Variants in DNMT3A observed in about 807,000 individuals in gnomAD.
DNMT3A encodes the protein DNA methyltransferase 3 alpha.
In DNMT3A, 267 loss-of-function variants were observed where a neutral mutation model predicts 117.6. The ratio of observed to expected loss-of-function variants is 2.27; its 90% CI spans 2.05 to 2.51. The LOEUF (loss-of-function observed/expected upper bound fraction) is 2.51. DNMT3A is among the 30% of genes most tolerant of loss of function. DNMT3A has a pLI of 0.00. For synonymous variants in DNMT3A, 432 were observed against 474.8 expected (o/e 0.91, Z 1.17); for missense variants, 1,029 against 1,260.2 (o/e 0.82, Z 2.78).
rs1260965585 is a variant in DNMT3A at position 25,329,697 on chromosome 2, A to C, written c.-178+12129T>G. Among the ~76,000 whole-genome samples, 302 of 150,302 alleles carry C rather than the reference A, an allele frequency of 2.0e-3. 7 individuals are homozygous for C. Among genetic ancestry groups the C allele is most frequent in the African/African-American group, 7.0e-3 (281 of 39,904 alleles). ...CCCACACACACACACACACACACAC[A>C]CACACACACACACACAGACACACAG... On this transcript the variant is annotated intron_variant, in intron 1 of 22. Coordinates refer to ENST00000321117, the MANE Select transcript of DNMT3A (RefSeq NM_022552.5).
At chr2:25,317,215 C>A (rs2034418608) in intron 1 of DNMT3A, among the ~76,000 whole-genome samples, 1 of 144,416 alleles carries the variant, frequency 6.9e-6, no homozygotes, top group African/African-American at 2.5e-5. Context: ...CCATGTACCA[C>A]CACACCTGGC....
intron 6 of DNMT3A, among the ~76,000 whole-genome samples, chr2:25,263,557 T>G (rs1030658585): frequency 2.6e-5 from 4 of 152,068 alleles, no homozygotes; most frequent in Non-Finnish European, 4.4e-5. Context: ...CTTTAACGAG[T>G]GTACTGGCCT....
chr2:25,250,434 TGGATGGCGGAATGAGCTCAC>T (rs1237954124), intron 6 of DNMT3A, among the ~76,000 whole-genome samples: 3 of 152,166 alleles, frequency 2.0e-5, no homozygotes, highest in African/African-American at 7.2e-5. Context: ...AATGAGCTCA[TGGATGGCGGAATGAGCTCAC>T]GGATCGGACT....
intron 6 of DNMT3A, among the ~76,000 whole-genome samples, chr2:25,261,919 G>T (rs1017249476): frequency 6.6e-6 from 1 of 152,070 alleles, no homozygotes; most frequent in Non-Finnish European, 1.5e-5. Context: ...GGGCGCAGTG[G>T]CTCACACCTG....
At chr2:25,266,651 T>A (rs1377005790) in intron 6 of DNMT3A, among the ~76,000 whole-genome samples, 3 of 152,186 alleles carry the variant, frequency 2.0e-5, no homozygotes, top group African/African-American at 7.2e-5. Context: ...GGAGGCAACA[T>A]TTGCTAAGCT....
intron 12 of DNMT3A, among the ~76,000 whole-genome samples, chr2:25,245,560 G>A (rs1674657009): frequency 6.6e-6 from 1 of 152,232 alleles, no homozygotes; most frequent in Non-Finnish European, 1.5e-5. Flanking sequence ...AGTGACAGCA[G>A]GACAGAAACC....
chr2:25,295,085 AG>A (rs940493016), intron 3 of DNMT3A, among the ~76,000 whole-genome samples: 1 of 152,198 alleles, frequency 6.6e-6, no homozygotes, highest in Non-Finnish European at 1.5e-5. Flanking sequence ...CTCTCCCTTC[AG>A]GGCTCCAACC....
In DNMT3A at chr2:25,254,757, C is replaced by G. The variant is rs953094591; in HGVS notation, c.640-6505G>C. 6.6e-6 allele frequency among the ~76,000 whole-genome samples: 1 copy of G among 152,122 alleles called. No homozygotes were observed. Among genetic ancestry groups the G allele is most frequent in the Non-Finnish European group, 1.5e-5 (1 of 68,022 alleles). ...GAAGTTTCTGGTTCTGGCTTGGTGG[C>G]CTTTTGCAGACACTGTCTCATGTAC... is the stretch of plus-strand genomic sequence containing the variant. On this transcript the variant is annotated intron_variant, in intron 6 of 22. Transcript: ENST00000321117. The surrounding 1 kb of genome is among the most constrained non-coding windows in gnomAD (Gnocchi z 4.7).
At chr2:25,300,720 T>TAC (rs2033433124) in intron 2 of DNMT3A, among the ~76,000 whole-genome samples, 1 of 8,880 alleles carries the variant, frequency 1.1e-4, no homozygotes, top group African/African-American at 5.1e-4. Context: ...ATAATATATA[T>TAC]ATATATATAT....
chr2:25,319,615 G>A (rs778370504), intron 1 of DNMT3A, among the ~76,000 whole-genome samples: 4 of 152,364 alleles, frequency 2.6e-5, no homozygotes, highest in East Asian at 1.9e-4. Context: ...ATGAGCCAGA[G>A]AGGGCCAGCC....
chr2:25,278,538 C>G (rs1478160070), intron 4 of DNMT3A, among the ~76,000 whole-genome samples: 1 of 152,230 alleles, frequency 6.6e-6, no homozygotes, highest in African/African-American at 2.4e-5. Context: ...TAATAAGAGT[C>G]TTCCAGGCTG....
At chr2:25,297,839 T>C (rs1424562823) in intron 3 of DNMT3A, among the ~76,000 whole-genome samples, 1 of 152,222 alleles carries the variant, frequency 6.6e-6, no homozygotes, top group Admixed American at 6.5e-5. Context: ...CTTTTGCTGT[T>C]TGCCAAGTGC....
At chr2:25,276,661 A>G (rs1273310202) in intron 4 of DNMT3A, among the ~76,000 whole-genome samples, 1 of 152,154 alleles carries the variant, frequency 6.6e-6, no homozygotes, top group African/African-American at 2.4e-5. Context: ...GGGCTGGCTG[A>G]TTCTGCCTCC....
chr2:25,323,682 C>T (rs2034683667), intron 1 of DNMT3A, among the ~76,000 whole-genome samples: 2 of 152,214 alleles, frequency 1.3e-5, no homozygotes, highest in African/African-American at 4.8e-5. Flanking sequence ...AACCAGCCCG[C>T]AGATTTCTCT....
intron 5 of DNMT3A, 84 bp downstream of exon 5, chr2:25,275,416 C>CCCCCCCCCCCCCCCACACA: frequency 6.9e-7 from 1 of 1,441,366 alleles, no homozygotes; most frequent in Non-Finnish European, 9.4e-7. Flanking sequence ...AGGGGCCCAC[C>CCCCCCCCCCCCCCCACACA]CTCCGCCCCC....
chr2:25,331,734 C>T (rs1203093384), intron 1 of DNMT3A, among the ~76,000 whole-genome samples: 3 of 152,214 alleles, frequency 2.0e-5, no homozygotes, highest in African/African-American at 7.2e-5. Flanking sequence ...CTGCCTTTCT[C>T]ATCCATCGCA....
rs1287896959 is a variant in DNMT3A at position 25,246,178 on chromosome 2, T to C, written c.1411A>G (p.Ile471Val). ...CAACTACCTCTTGTGCGCTCATCAA[T>C]AATCTCCTTGACCTTGGGCTTCTCC... Reference protein sequence around the residue: ...TAEKPKVKEIIDERTRERLVY... With the variant: ...TAEKPKVKEIVDERTRERLVY... Residue 471 changes from isoleucine to valine, a missense_variant, in exon 11 of 23, where the codon ATT becomes GTT. Physicochemically the swap from Ile to Val is conservative, Grantham distance 29. Transcript: ENST00000321117. 6.2e-7 allele frequency: 1 copy of C among 1,614,094 alleles called. No individual in the cohort carries two copies. Among genetic ancestry groups the C allele is most frequent in the South Asian group, 1.1e-5 (1 of 91,076 alleles).
At chr2:25,262,466 C>T (rs1206404142) in intron 6 of DNMT3A, among the ~76,000 whole-genome samples, 1 of 152,174 alleles carries the variant, frequency 6.6e-6, no homozygotes, top group Non-Finnish European at 1.5e-5. Context: ...ACCTGCTCTT[C>T]CTCCAAGATT....
rs770052053 is a variant in DNMT3A, at chr2:25,240,692, G to T, written c.2121C>A (p.Gly707=). Reference sequence around the variant, plus strand: ...CGATGGAGAGGTCATTGCAGGGACTGCCCCCAATCACCAGATCGAATGGGC... The same window carrying T: ...CGATGGAGAGGTCATTGCAGGGACTTCCCCCAATCACCAGATCGAATGGGC... ...EWGPFDLVIG[G]SPCNDLSIVN... Residue 707 remains glycine (G), a synonymous_variant, in exon 18 of 23, where the codon GGC becomes GGA. Transcript: ENST00000321117. 6.2e-7 allele frequency: 1 copy of T among 1,614,226 alleles called. No individual in the cohort carries two copies. Among genetic ancestry groups the T allele is most frequent in the South Asian group, 1.1e-5 (1 of 91,082 alleles).
Sources: gnomAD v4.1 joint callset for allele counts (sites outside exome capture counted in the v4.1 genomes callset) on GRCh38, gnomAD v4.1.1 for gene constraint, Gnocchi (gnomAD v3.1) non-coding constraint, MANE v1.5 for transcripts, NCBI Gene and HGNC (gene_info 2026-07-23, HGNC 2026-07-21) for gene names.